The following AP1S2 variants were observed in gnomAD, a reference collection of about 807,000 sequenced individuals.
AP1S2 encodes the protein adaptor related protein complex 1 subunit sigma 2.
AP1S2 carries 1 observed loss-of-function variant against 14.3 expected under a neutral mutation model. The observed-to-expected ratio is 0.07, with a 90% CI of 0.02 to 0.33. AP1S2 has a LOEUF of 0.33. AP1S2 is among the 10% of genes least tolerant of loss of function. The probability of loss-of-function intolerance (pLI) is 0.99; values close to 1 mark genes in which losing one functional copy is unlikely to be tolerated. For missense variants in AP1S2, 30 were observed against 117.7 expected (o/e 0.25, Z 3.45); for synonymous variants, 30 against 40.5 (o/e 0.74, Z 0.99).
At chrX:15,840,990 T>TTTA (rs1933814176) in intron 4 of AP1S2, among the ~76,000 whole-genome samples, 1 of 112,179 alleles carries the variant, frequency 8.9e-6, no homozygotes, top group Non-Finnish European at 1.9e-5. Flanking sequence ...TCAAAACTAA[T>TTTA]CCTTTATTTA....
chrX:15,826,133 G>A lies in AP1S2; in HGVS notation c.*1192C>T. The A allele has an allele frequency of 8.9e-6, 1 of 112,346 alleles. No homozygotes were observed. Among genetic ancestry groups the A allele is most frequent in the Non-Finnish European group, 1.9e-5 (1 of 53,256 alleles). The allele number at this position is 112,346 out of a possible 1,213,427, so 9.3% of individuals were successfully genotyped here. A position where few individuals can be genotyped will look rare whatever the true frequency, so the allele number is the denominator to read the frequency against. On this transcript the variant is annotated 3_prime_UTR_variant, in exon 6 of 6. Transcript: ENST00000672987. ...TGATAAGACAGTGCTCACGTGGCCT[G>A]AATGTTGGTCACAATCACAACAAAG...
chrX:15,846,381 A>G, intron 2 of AP1S2, among the ~76,000 whole-genome samples: 1 of 112,251 alleles, frequency 8.9e-6, no homozygotes, highest in Non-Finnish European at 1.9e-5. Context: ...GAAGAAAACA[A>G]ACCTTCCAAC....
chrX:15,839,492 CCTTT>C (rs1353624758), intron 4 of AP1S2, among the ~76,000 whole-genome samples: 1 of 100,719 alleles, frequency 9.9e-6, no homozygotes, highest in Non-Finnish European at 2.0e-5. Flanking sequence ...TTCCTTCCTT[CCTTT>C]CGGCAAAGTT....
rs771941718 is a variant in AP1S2, at chrX:15,828,517, C to T, written c.427-317G>A. Among the ~76,000 whole-genome samples, 7 of 111,615 alleles carry T rather than the reference C, an allele frequency of 6.3e-5. No homozygotes were observed. In the South Asian group the frequency reaches 2.6e-3, roughly 42 times the overall value. ...CTATACACCAATTCTACTTATAAAG[C>T]TCATATGATGACCTTTTAGTATGTC... On this transcript the variant is annotated intron_variant, in intron 4 of 5. Coordinates refer to ENST00000672987, the MANE Select transcript of AP1S2 (RefSeq NM_001272071.2).
At chrX:15,831,137 T>C (rs1933423956) in intron 4 of AP1S2, 1 of 735,830 alleles carries the variant, frequency 1.4e-6, no homozygotes, top group Non-Finnish European at 1.6e-6. Context: ...ACTGCTTATT[T>C]TGACCTAGCA....
intron 4 of AP1S2, among the ~76,000 whole-genome samples, chrX:15,834,622 C>T (rs1319705528): frequency 1.0e-5 from 1 of 96,874 alleles, no homozygotes; most frequent in Admixed American, 1.1e-4. Context: ...ATTACAGGCA[C>T]CCACCACTGT....
intron 5 of AP1S2, 21 bp from the exon 6 acceptor site, chrX:15,827,393 A>C: frequency 8.5e-7 from 1 of 1,181,866 alleles, no homozygotes; most frequent in Non-Finnish European, 1.2e-6. Context: ...AAAATGTGAG[A>C]CTCTGGTAAG....
chrX:15,833,459 A>G, intron 4 of AP1S2: 3 of 891,593 alleles, frequency 3.4e-6, no homozygotes, highest in Non-Finnish European at 4.2e-6. Context: ...ATTAAATGTG[A>G]GAATACTCTT....
chrX:15,852,974 G>T, intron 1 of AP1S2: 1 of 397,394 alleles, frequency 2.5e-6, no homozygotes, highest in Non-Finnish European at 3.2e-6. Context: ...TCTAGTTCCA[G>T]GGTGAATTAC....
chrX:15,852,885 A>G (rs1198435810), intron 1 of AP1S2: 2 of 748,245 alleles, frequency 2.7e-6, no homozygotes, highest in Non-Finnish European at 3.2e-6. Flanking sequence ...ATATGCATCA[A>G]AAGAGAATGG....
chrX:15,825,875 T>C lies in AP1S2; in HGVS notation c.*1450A>G, dbSNP rs1933244204. ...AGATAGGCTCTCAGTATGGAATCCA[T>C]GTTATTTTTTAATGAAGTACATGAA... is the stretch of plus-strand genomic sequence containing the variant. On this transcript the variant is annotated 3_prime_UTR_variant, in exon 6 of 6. Coordinates refer to ENST00000672987, the MANE Select transcript of AP1S2 (RefSeq NM_001272071.2). 1 of 116,632 alleles carries C rather than the reference T, an allele frequency of 8.6e-6. No homozygotes were observed. The highest frequency in any genetic ancestry group is 9.5e-5 in the Admixed American group (1 of 10,569). The allele number at this position is 116,632 out of a possible 1,213,427, so 9.6% of individuals were successfully genotyped here.
chrX:15,838,898 C>T (rs1601851948), intron 4 of AP1S2, among the ~76,000 whole-genome samples: 1 of 110,658 alleles, frequency 9.0e-6, no homozygotes, highest in South Asian at 3.9e-4. Flanking sequence ...CAGGTGTGCA[C>T]CACCACGCCC....
intron 1 of AP1S2, chrX:15,852,956 G>GCCATTGTCTGCTCC: frequency 3.7e-6 from 2 of 536,326 alleles, no homozygotes; most frequent in Non-Finnish European, 2.3e-6. Context: ...TTTTCATCCT[G>GCCATTGTCTGCTCC]AGGCCGTTCT....
rs1933285063 is a variant in AP1S2, at chrX:15,826,958, T to TA, written c.*366dup. ...TTTCATAAAACCAGGTTTCACATTA[T>TA]AATTTAAGAGTTTCCTTTGTCAAAT... On this transcript the variant is annotated 3_prime_UTR_variant, in exon 6 of 6. Coordinates refer to ENST00000672987, the MANE Select transcript of AP1S2 (RefSeq NM_001272071.2). 2 of 130,559 alleles carry TA rather than the reference T, an allele frequency of 1.5e-5. No homozygotes were observed. The highest frequency in any genetic ancestry group is 3.0e-5 in the Non-Finnish European group (2 of 65,957). The allele number at this position is 130,559 out of a possible 1,213,427, so 10.8% of individuals were successfully genotyped here. A position where few individuals can be genotyped will look rare whatever the true frequency, so the allele number is the denominator to read the frequency against.
At chrX:15,849,355 G>GT (rs1934097138) in intron 2 of AP1S2, among the ~76,000 whole-genome samples, 1 of 112,721 alleles carries the variant, frequency 8.9e-6, no homozygotes, top group Non-Finnish European at 1.9e-5. Flanking sequence ...GCGCTAAGCA[G>GT]TAATTCTCCT....
chrX:15,854,131 T>A (rs941475386), intron 1 of AP1S2, among the ~76,000 whole-genome samples: 6 of 112,623 alleles, frequency 5.3e-5, no homozygotes, highest in African/African-American at 1.9e-4. Context: ...CCTTCCCTCG[T>A]GTTAAAAACC....
intron 4 of AP1S2, chrX:15,831,679 G>C (rs1933441591): frequency 1.3e-6 from 1 of 767,055 alleles, no homozygotes; most frequent in Admixed American, 8.6e-5. Context: ...TTAAGTTTCT[G>C]TTTGCTTTCA....
chrX:15,835,781 C>A (rs1004303367), intron 4 of AP1S2, among the ~76,000 whole-genome samples: 3 of 110,606 alleles, frequency 2.7e-5, no homozygotes, highest in African/African-American at 9.9e-5. Context: ...CACACAGCAG[C>A]ATTTTTTCAT....
rs994273418 is a variant in AP1S2, at chrX:15,831,796, C to A, written c.427-3596G>T. ...CAGTGTTCAAAATGATGACAGACAT[C>A]CTCCAGAAATTTTACAAAATCCTAA... On this transcript the variant is annotated intron_variant, in intron 4 of 5. Coordinates refer to ENST00000672987, the MANE Select transcript of AP1S2 (RefSeq NM_001272071.2). 4.3e-5 allele frequency: 30 copies of A among 702,618 alleles called. No homozygotes were observed. In the African/African-American group the frequency reaches 7.2e-4, roughly 17 times the overall value. 57.9% of individuals were successfully genotyped at this position (702,618 alleles called of 1,213,427 possible). A position where few individuals can be genotyped will look rare whatever the true frequency, so the allele number is the denominator to read the frequency against.
Sources: gnomAD v4.1 joint callset for allele counts (sites outside exome capture counted in the v4.1 genomes callset) on GRCh38, gnomAD v4.1.1 for gene constraint, MANE v1.5 for transcripts, NCBI Gene and HGNC (gene_info 2026-07-23, HGNC 2026-07-21) for gene names.